The following SGCZ variants were observed in gnomAD, a reference collection of about 807,000 sequenced individuals.
SGCZ encodes zeta-sarcoglycan.
A neutral mutation model predicts 41.3 loss-of-function variants in SGCZ; 40 were observed. The ratio of observed to expected loss-of-function variants is 0.97; its 90% CI spans 0.75 to 1.26. The LOEUF (loss-of-function observed/expected upper bound fraction) is 1.26. Ranked by LOEUF, SGCZ falls within the 50% of genes most tolerant of loss-of-function variation. The pLI is 0.00. For synonymous variants in SGCZ, 206 were observed against 137.5 expected (o/e 1.50, Z -3.49); for missense variants, 552 against 369.8 (o/e 1.49, Z -4.04).
chr8:14,455,445 T>C (rs1474623492), intron 2 of SGCZ, among the ~76,000 whole-genome samples: 1 of 139,036 alleles, frequency 7.2e-6, no homozygotes, highest in Admixed American at 7.5e-5. Flanking sequence ...TGAAGGGACA[T>C]TTGCATGCAT....
intron 1 of SGCZ, among the ~76,000 whole-genome samples, chr8:14,774,565 T>C (rs753698375): frequency 5.9e-5 from 9 of 152,184 alleles, no homozygotes; most frequent in South Asian, 2.1e-4. Flanking sequence ...TCAATCCTCA[T>C]GGTATTAGAA....
At chr8:15,207,742 T>C (rs1186631383) in intron 1 of SGCZ, among the ~76,000 whole-genome samples, 2 of 152,060 alleles carry the variant, frequency 1.3e-5, no homozygotes, top group African/African-American at 4.8e-5. Flanking sequence ...GAAAGAACAG[T>C]AAGATTTAAA....
intron 2 of SGCZ, among the ~76,000 whole-genome samples, chr8:14,484,759 A>G (rs1801627972): frequency 6.6e-6 from 1 of 152,232 alleles, no homozygotes; most frequent in South Asian, 2.1e-4. Flanking sequence ...TCTGTCATTC[A>G]TTAATATGAT....
At chr8:14,989,998 T>A (rs11992114) in intron 1 of SGCZ, among the ~76,000 whole-genome samples, 12,263 of 152,134 alleles carry the variant, frequency 0.081, 788 homozygotes, top group African/African-American at 0.17. Flanking sequence ...GCACTATTAA[T>A]AAAATAGCTG....
At chr8:14,322,467 T>G (rs913497717) in intron 3 of SGCZ, among the ~76,000 whole-genome samples, 1 of 152,010 alleles carries the variant, frequency 6.6e-6, no homozygotes, top group African/African-American at 2.4e-5. Flanking sequence ...TCCTCTATGG[T>G]CCATAGGTGG....
At chr8:14,605,171 G>A (rs957829828) in intron 1 of SGCZ, among the ~76,000 whole-genome samples, 4 of 152,134 alleles carry the variant, frequency 2.6e-5, no homozygotes, top group South Asian at 2.1e-4. Context: ...TCCTTGAAAC[G>A]TAAAATTCAA....
At chr8:15,097,954 A>G (rs1290318862) in intron 1 of SGCZ, among the ~76,000 whole-genome samples, 2 of 149,410 alleles carry the variant, frequency 1.3e-5, no homozygotes, top group Non-Finnish European at 3.0e-5. Context: ...CATTGCTAGA[A>G]AAACAGGAAC....
rs139942076 is a variant in SGCZ, at chr8:14,099,018, C to G, written c.744+3358G>C. Among the ~76,000 whole-genome samples, 619 of 152,212 alleles carry G rather than the reference C, an allele frequency of 4.1e-3. 4 individuals carry two copies. Among genetic ancestry groups the G allele is most frequent in the African/African-American group, 0.014 (564 of 41,532 alleles). On this transcript the variant is annotated intron_variant, in intron 7 of 7. Coordinates refer to ENST00000382080, the MANE Select transcript of SGCZ (RefSeq NM_139167.4). The stretch of plus-strand genomic sequence containing the variant: ...TTCTGAGATCCAAACCATAGCTCCA[C>G]CCATATAAAAAGTCATTTTTTATAA...
At chr8:14,760,949 G>T (rs754676015) in intron 1 of SGCZ, among the ~76,000 whole-genome samples, 2 of 152,122 alleles carry the variant, frequency 1.3e-5, no homozygotes, top group Non-Finnish European at 2.9e-5. Context: ...GGTGAATGTG[G>T]GTTCAAAGTT....
At chr8:14,902,409 T>C (rs1466509782) in intron 1 of SGCZ, among the ~76,000 whole-genome samples, 2 of 152,170 alleles carry the variant, frequency 1.3e-5, no homozygotes, top group Non-Finnish European at 2.9e-5. Context: ...CCAATGCCTC[T>C]GTCTCTCCGA....
At chr8:14,715,811 G>A (rs969700907) in intron 1 of SGCZ, among the ~76,000 whole-genome samples, 1 of 151,926 alleles carries the variant, frequency 6.6e-6, no homozygotes, top group Non-Finnish European at 1.5e-5. Flanking sequence ...AATTCTCATA[G>A]AAAAATTCCA....
chr8:14,880,130 T>G (rs117066793), intron 1 of SGCZ, among the ~76,000 whole-genome samples: 1 of 152,106 alleles, frequency 6.6e-6, no homozygotes, highest in Non-Finnish European at 1.5e-5. Flanking sequence ...CATGAGCCAC[T>G]GCACCTGGCC....
At chr8:14,421,979 T>C (rs1301622602) in intron 2 of SGCZ, among the ~76,000 whole-genome samples, 1 of 152,118 alleles carries the variant, frequency 6.6e-6, no homozygotes, top group African/African-American at 2.4e-5. Context: ...AATAGAGCAA[T>C]ACAAGATTTT....
chr8:14,162,117 G>A (rs1804065674), intron 5 of SGCZ, among the ~76,000 whole-genome samples: 1 of 152,140 alleles, frequency 6.6e-6, no homozygotes. Flanking sequence ...GGGCTACTAA[G>A]CAAAAGCAGA....
chr8:14,974,813 A>G (rs1398005579), intron 1 of SGCZ, among the ~76,000 whole-genome samples: 2 of 151,840 alleles, frequency 1.3e-5, no homozygotes. Context: ...TACTTTTGGC[A>G]AATTCAACTG....
chr8:14,888,449 T>C (rs1268917633), intron 1 of SGCZ, among the ~76,000 whole-genome samples: 1 of 152,082 alleles, frequency 6.6e-6, no homozygotes, highest in Non-Finnish European at 1.5e-5. Flanking sequence ...ATCAAAGCAA[T>C]GTAGAATGCA....
intron 5 of SGCZ, among the ~76,000 whole-genome samples, chr8:14,143,639 A>G (rs1471804081): frequency 6.6e-6 from 1 of 152,208 alleles, no homozygotes; most frequent in Admixed American, 6.5e-5. Flanking sequence ...TTTAAGAACT[A>G]TCTACATAGA....
intron 3 of SGCZ, among the ~76,000 whole-genome samples, chr8:14,293,587 C>G (rs1430964369): frequency 6.6e-6 from 1 of 151,762 alleles, no homozygotes; most frequent in Non-Finnish European, 1.5e-5. Context: ...GGCTCAGTTT[C>G]TAAATAAAAA....
intron 5 of SGCZ, among the ~76,000 whole-genome samples, chr8:14,123,650 T>G (rs780327855): frequency 2.0e-5 from 3 of 152,174 alleles, no homozygotes; most frequent in Non-Finnish European, 4.4e-5. Flanking sequence ...TGCTTCTATC[T>G]TCTAGCAGTT....
Sources: allele counts gnomAD v4.1 joint callset (sites outside exome capture counted in the v4.1 genomes callset), GRCh38; gene constraint gnomAD v4.1.1; transcripts MANE v1.5; gene names NCBI Gene and HGNC (gene_info 2026-07-23, HGNC 2026-07-21).